The following DSTYK variants were observed in gnomAD, a reference collection of about 807,000 sequenced individuals.
The protein encoded by DSTYK is dual serine/threonine and tyrosine protein kinase.
In DSTYK, 34 loss-of-function variants were observed where a neutral mutation model predicts 98.7. The ratio of observed to expected loss-of-function variants is 0.34; its 90% CI spans 0.26 to 0.46. The LOEUF (loss-of-function observed/expected upper bound fraction) is 0.46. DSTYK is among the 20% of genes least tolerant of loss of function. The pLI, the probability that DSTYK is intolerant of heterozygous loss-of-function variation, is 1.00. For synonymous variants in DSTYK, 462 were observed against 457.3 expected, an observed-to-expected ratio of 1.01 and a Z score of -0.13; for missense variants, 962 against 1,181.7, an observed-to-expected ratio of 0.81 and a Z score of 2.73.
chr1:205,198,783 T>TA (rs972475774), intron 1 of DSTYK, among the ~76,000 whole-genome samples: 14 of 149,298 alleles, frequency 9.4e-5, no homozygotes, highest in African/African-American at 1.5e-4. Context: ...TAGAAAATAT[T>TA]AAAAAAAAGA....
chr1:205,183,233 A>T (rs191688828), intron 2 of DSTYK, among the ~76,000 whole-genome samples: 1 of 152,322 alleles, frequency 6.6e-6, no homozygotes. Context: ...AAGAGGGAGT[A>T]CTTTTGTATA....
At chr1:205,187,981 G>A (rs574726917) in intron 1 of DSTYK, among the ~76,000 whole-genome samples, 175 bp from the exon 2 acceptor site, 1 of 151,990 alleles carries the variant, frequency 6.6e-6, no homozygotes, top group African/African-American at 2.4e-5. Flanking sequence ...GTGAGAAAAA[G>A]CTCTTCACAT....
Position 205,146,430 on chromosome 1 carries a change from A to C in DSTYK, c.*1128T>G, listed in dbSNP as rs1365752651. 1 of 152,146 alleles carries C rather than the reference A, an allele frequency of 6.6e-6. No individual in the cohort carries two copies. Among genetic ancestry groups the C allele is most frequent in the Non-Finnish European group, 1.5e-5 (1 of 68,040 alleles). The allele number at this position is 152,146 out of a possible 1,614,324, so 9.4% of individuals were successfully genotyped here. On this transcript the variant is annotated 3_prime_UTR_variant, in exon 13 of 13. Transcript: ENST00000367162. ...TGAAAAGAGGTAAACAAAAGAAAAG[A>C]CTCAAAGGTAAAAGAACAGATTCTG... is the stretch of plus-strand genomic sequence containing the variant.
chr1:205,160,936 C>T (rs1482975207), intron 7 of DSTYK, among the ~76,000 whole-genome samples: 3 of 151,970 alleles, frequency 2.0e-5, no homozygotes, highest in Non-Finnish European at 2.9e-5. Flanking sequence ...AGTGCCACCA[C>T]GCCCAGCTAA....
intron 2 of DSTYK, among the ~76,000 whole-genome samples, chr1:205,183,054 T>A (rs1658461280): frequency 7.6e-6 from 1 of 130,794 alleles, no homozygotes; most frequent in South Asian, 2.7e-4. Context: ...CCTTTTCTTA[T>A]AGGTGTTCAC....
chr1:205,181,653 G>GT (rs1658400187), intron 2 of DSTYK, among the ~76,000 whole-genome samples: 3 of 83,962 alleles, frequency 3.6e-5, no homozygotes, highest in Non-Finnish European at 9.3e-5. Flanking sequence ...CAGATGTTGG[G>GT]GTTTGTGTGT....
At chr1:205,188,282 C>G (rs892061449) in intron 1 of DSTYK, among the ~76,000 whole-genome samples, 4 of 152,174 alleles carry the variant, frequency 2.6e-5, no homozygotes, top group African/African-American at 9.7e-5. Context: ...AGATTACAGT[C>G]GTGTGTTGCT....
At chr1:205,172,421 A>C (rs534442555) in intron 2 of DSTYK, among the ~76,000 whole-genome samples, 2 of 148,414 alleles carry the variant, frequency 1.3e-5, no homozygotes, top group African/African-American at 5.0e-5. Flanking sequence ...CACCTCAGCC[A>C]CCCAAGTAGC....
intron 9 of DSTYK, 121 bp downstream of exon 9, chr1:205,159,426 A>T: frequency 8.1e-7 from 1 of 1,238,050 alleles, no homozygotes; most frequent in Non-Finnish European, 1.1e-6. Flanking sequence ...AAGTGAAATA[A>T]ACCCTAATTA....
intron 5 of DSTYK, 119 bp from the exon 6 acceptor site, chr1:205,162,331 G>A: frequency 8.3e-7 from 1 of 1,198,042 alleles, no homozygotes; most frequent in Non-Finnish European, 1.2e-6. Flanking sequence ...TAAGATGGGA[G>A]CCATACGAAG....
At chr1:205,164,766 G>C (rs1657839745) in intron 3 of DSTYK, among the ~76,000 whole-genome samples, 1 of 152,050 alleles carries the variant, frequency 6.6e-6, no homozygotes, top group Non-Finnish European at 1.5e-5. Flanking sequence ...CGGCAATTTT[G>C]TTAGCTTTTA....
intron 1 of DSTYK, among the ~76,000 whole-genome samples, chr1:205,190,907 T>C (rs944554200): frequency 3.9e-5 from 6 of 152,104 alleles, no homozygotes; most frequent in African/African-American, 1.2e-4. Context: ...GAGTGGATAA[T>C]AGAGAAGAAA....
intron 1 of DSTYK, among the ~76,000 whole-genome samples, chr1:205,199,336 C>A (rs982269499): frequency 5.3e-5 from 8 of 152,230 alleles, no homozygotes; most frequent in African/African-American, 1.9e-4. Context: ...GTGATGGGCA[C>A]TTCAACCAGA....
chr1:205,181,601 C>T (rs1422197151), intron 2 of DSTYK, among the ~76,000 whole-genome samples: 2 of 151,752 alleles, frequency 1.3e-5, no homozygotes, highest in African/African-American at 4.8e-5. Context: ...GCGATCAGCC[C>T]ACCTCAGCCT....
chr1:205,167,158 G>A (rs1657912899), intron 3 of DSTYK, among the ~76,000 whole-genome samples: 1 of 152,212 alleles, frequency 6.6e-6, no homozygotes, highest in South Asian at 2.1e-4. Context: ...CACTTTTTAG[G>A]AGGCCGAGGT....
intron 2 of DSTYK, among the ~76,000 whole-genome samples, chr1:205,179,486 T>C (rs1658330207): frequency 6.6e-6 from 1 of 151,840 alleles, no homozygotes; most frequent in Non-Finnish European, 1.5e-5. Context: ...CCGGGCGTGG[T>C]GGTGGGCACC....
intron 2 of DSTYK, among the ~76,000 whole-genome samples, chr1:205,175,926 CATCCCACACATTTT>C (rs919265995): frequency 1.3e-5 from 2 of 152,320 alleles, no homozygotes; most frequent in Middle Eastern, 3.4e-3. Flanking sequence ...TTTCAACTCC[CATCCCACACATTTT>C]ATCCCACACA....
chr1:205,161,963 G>T, intron 6 of DSTYK, 73 bp downstream of exon 6: 1 of 1,474,402 alleles, frequency 6.8e-7, no homozygotes, highest in Non-Finnish European at 9.2e-7. Flanking sequence ...GAAGAGCGGA[G>T]AGCGAAATAT....
intron 1 of DSTYK, among the ~76,000 whole-genome samples, chr1:205,208,992 C>T (rs955184819): frequency 6.6e-6 from 1 of 152,232 alleles, no homozygotes; most frequent in Non-Finnish European, 1.5e-5. Flanking sequence ...CTGCCATCTG[C>T]ACCCTCCCAG....
Sources: allele counts gnomAD v4.1 joint callset (sites outside exome capture counted in the v4.1 genomes callset), GRCh38; gene constraint gnomAD v4.1.1; transcripts MANE v1.5; gene names NCBI Gene and HGNC (gene_info 2026-07-23, HGNC 2026-07-21).